WWOX: variants seen among roughly 807,000 people sequenced by gnomAD.
The protein encoded by WWOX is WW domain-containing oxidoreductase.
A neutral mutation model predicts 46.2 loss-of-function variants in WWOX; 69 were observed. That is an observed-to-expected ratio of 1.49 (90% CI 1.23 to 1.82). WWOX has a LOEUF of 1.82. Ranked by LOEUF, WWOX falls within the 40% of genes most tolerant of loss-of-function variation. The probability of loss-of-function intolerance (pLI) is 0.00; values close to 1 mark genes in which losing one functional copy is unlikely to be tolerated. For synonymous variants in WWOX, 359 were observed against 202.6 expected, an observed-to-expected ratio of 1.77 and a Z score of -6.56; for missense variants, 919 against 542.6, an observed-to-expected ratio of 1.69 and a Z score of -6.89.
At chr16:79,128,513 G>T (rs929035630) in intron 8 of WWOX, among the ~76,000 whole-genome samples, 1 of 152,094 alleles carries the variant, frequency 6.6e-6, no homozygotes, top group Non-Finnish European at 1.5e-5. Context: ...CTTGGCCAAG[G>T]TCACACAGCT....
intron 5 of WWOX, among the ~76,000 whole-genome samples, chr16:78,302,257 G>T (rs1011332212): frequency 6.6e-6 from 1 of 152,110 alleles, no homozygotes; most frequent in Non-Finnish European, 1.5e-5. Context: ...CACTGTGCCC[G>T]GCCTTAGATG....
intron 6 of WWOX, among the ~76,000 whole-genome samples, chr16:78,401,420 T>G (rs1406781833): frequency 6.6e-6 from 1 of 152,184 alleles, no homozygotes; most frequent in Admixed American, 6.5e-5. Context: ...AATGTTTTGG[T>G]CTAGAACTAT....
chr16:78,394,749 C>A (rs1356502627), intron 6 of WWOX, among the ~76,000 whole-genome samples: 1 of 152,178 alleles, frequency 6.6e-6, no homozygotes. Context: ...ATGATCATGG[C>A]AGTGTTGCAA....
intron 8 of WWOX, among the ~76,000 whole-genome samples, chr16:78,929,198 C>T (rs895454495): frequency 5.3e-5 from 8 of 151,764 alleles, no homozygotes; most frequent in East Asian, 1.9e-4. Flanking sequence ...TGTAAATATT[C>T]GAATTATTTT....
rs1203526439 is a variant in WWOX, at chr16:78,261,772, G to GTATC, written c.516+97499_516+97502dup. On this transcript the variant is annotated intron_variant, in intron 5 of 8. Coordinates refer to ENST00000566780, the MANE Select transcript of WWOX (RefSeq NM_016373.4). Reference sequence around the variant, plus strand: ...TGTGTCTGTCTATCTATCTATCTATGTATCTATCTATCTATCTATATATAT... The same window carrying GTATC: ...TGTGTCTGTCTATCTATCTATCTATGTATCTATCTATCTATCTATCTATATATAT... 3.7e-3 allele frequency among the ~76,000 whole-genome samples: 487 copies of GTATC among 129,950 alleles called. 11 individuals are homozygous for GTATC. The highest frequency in any genetic ancestry group is 8.0e-3 in the African/African-American group (273 of 34,256). 85.3% of individuals were successfully genotyped at this position (129,950 alleles called of 152,430 possible).
chr16:79,103,873 G>GT (rs1451367916), intron 8 of WWOX, among the ~76,000 whole-genome samples: 7 of 152,084 alleles, frequency 4.6e-5, no homozygotes, highest in African/African-American at 1.7e-4. Context: ...GATACACTCT[G>GT]TAGGACAAAC....
intron 8 of WWOX, among the ~76,000 whole-genome samples, chr16:78,463,011 A>G (rs1270534877): frequency 6.6e-6 from 1 of 152,174 alleles, no homozygotes. Context: ...GCGCAGTGAC[A>G]TTTATGCACA....
At chr16:78,144,326 T>G (rs1181858690) in intron 4 of WWOX, among the ~76,000 whole-genome samples, 3 of 149,008 alleles carry the variant, frequency 2.0e-5, no homozygotes, top group African/African-American at 7.4e-5. Context: ...GAGATACAGC[T>G]CACATGGAGA....
intron 8 of WWOX, among the ~76,000 whole-genome samples, chr16:78,577,298 G>T (rs987830855): frequency 6.6e-6 from 1 of 152,166 alleles, no homozygotes; most frequent in Admixed American, 6.5e-5. Context: ...TGTTGTATTT[G>T]GTGGTGGTGC....
At chr16:78,776,869 T>C (rs938793481) in intron 8 of WWOX, among the ~76,000 whole-genome samples, 2 of 152,034 alleles carry the variant, frequency 1.3e-5, no homozygotes, top group African/African-American at 4.8e-5. Context: ...AAGAATAGAA[T>C]GGGGGAACCA....
chr16:78,996,253 T>G, intron 8 of WWOX: 2 of 985,286 alleles, frequency 2.0e-6, no homozygotes, highest in South Asian at 4.7e-5. Flanking sequence ...AGGGCAGAGC[T>G]GAGCCAGACC....
At chr16:78,239,224 G>C (rs1426486800) in intron 5 of WWOX, among the ~76,000 whole-genome samples, 1 of 152,198 alleles carries the variant, frequency 6.6e-6, no homozygotes, top group African/African-American at 2.4e-5. Flanking sequence ...ACACTGTAAT[G>C]TGGACTGTGG....
intron 8 of WWOX, among the ~76,000 whole-genome samples, chr16:79,177,553 CA>C (rs2050825352): frequency 6.6e-6 from 1 of 152,136 alleles, no homozygotes; most frequent in Non-Finnish European, 1.5e-5. Flanking sequence ...TGTCTCTAAT[CA>C]ATTCACCGGC....
intron 8 of WWOX, among the ~76,000 whole-genome samples, chr16:78,885,646 G>C (rs1252770632): frequency 6.6e-6 from 1 of 152,132 alleles, no homozygotes; most frequent in Non-Finnish European, 1.5e-5. Flanking sequence ...TTGCAATTTG[G>C]TAGACTGGAG....
In WWOX at chr16:78,115,076, AC is replaced by A. The variant is rs2151674791; in HGVS notation, c.333del (p.Thr112LeufsTer25). The part of the protein sequence containing the change: ...PTTRQRYDGS[T>X]TAMEILQGRD... ...CACCCGGCAAAGATACGACGGCAGC[AC>A]CACTGCCATGGAAATTCTCCAGGGC... On this transcript the variant is annotated frameshift_variant, in exon 4 of 9. Coordinates refer to ENST00000566780, the MANE Select transcript of WWOX (RefSeq NM_016373.4). LOFTEE classifies it high-confidence loss of function. 1 of 1,614,204 alleles carries A rather than the reference AC, an allele frequency of 6.2e-7. No individual in the cohort carries two copies. The highest frequency in any genetic ancestry group is 1.3e-5 in the African/African-American group (1 of 75,052).
At chr16:78,890,364 C>A (rs2044563153) in intron 8 of WWOX, 1 of 152,186 alleles carries the variant, frequency 6.6e-6, no homozygotes. Context: ...TGACCTCCAT[C>A]ATTCTTAAAT....
chr16:78,736,271 T>A (rs1014699836), intron 8 of WWOX, among the ~76,000 whole-genome samples: 2 of 152,166 alleles, frequency 1.3e-5, no homozygotes, highest in African/African-American at 4.8e-5. Flanking sequence ...TACCTTCGTG[T>A]CGGACAGTCA....
chr16:78,439,339 A>G (rs969481854), intron 8 of WWOX, among the ~76,000 whole-genome samples: 13 of 152,186 alleles, frequency 8.5e-5, no homozygotes, highest in African/African-American at 3.1e-4. Flanking sequence ...TGGTTGGACC[A>G]CACTGGCGCT....
At chr16:78,756,487 A>C (rs1335542867) in intron 8 of WWOX, among the ~76,000 whole-genome samples, 1 of 152,192 alleles carries the variant, frequency 6.6e-6, no homozygotes, top group African/African-American at 2.4e-5. Context: ...ACCTTAGACC[A>C]TGAGGAGATG....
Sources: gnomAD v4.1 joint callset for allele counts (sites outside exome capture counted in the v4.1 genomes callset) on GRCh38, gnomAD v4.1.1 for gene constraint, MANE v1.5 for transcripts, NCBI Gene and HGNC (gene_info 2026-07-23, HGNC 2026-07-21) for gene names.